The following ZNF521 variants were observed in gnomAD, a reference collection of about 807,000 sequenced individuals.
ZNF521 encodes the protein zinc finger protein 521.
ZNF521 carries 14 observed loss-of-function variants against 105.5 expected under a neutral mutation model. That is an observed-to-expected ratio of 0.13 (90% confidence interval 0.09 to 0.21). The LOEUF is 0.21. ZNF521 is among the 10% of genes least tolerant of loss of function. The pLI is 1.00. For synonymous variants in ZNF521, 635 were observed against 606.0 expected, an observed-to-expected ratio of 1.05 and a Z score of -0.70; for missense variants, 1,233 against 1,629.7, an observed-to-expected ratio of 0.76 and a Z score of 4.19.
At chr18:25,162,566 T>C (rs2035269233) in intron 5 of ZNF521, among the ~76,000 whole-genome samples, 1 of 152,240 alleles carries the variant, frequency 6.6e-6, no homozygotes, top group South Asian at 2.1e-4. Flanking sequence ...AAATGTTTTC[T>C]ATAAGACATT....
At chr18:25,246,103 G>T (rs912993943) in intron 3 of ZNF521, among the ~76,000 whole-genome samples, 3 of 151,990 alleles carry the variant, frequency 2.0e-5, no homozygotes, top group South Asian at 2.1e-4. Context: ...GGAGGGATGC[G>T]TTAGGAGACA....
At chr18:25,184,189 T>A (rs60573556) in intron 5 of ZNF521, among the ~76,000 whole-genome samples, 4,923 of 152,150 alleles carry the variant, frequency 0.032, 293 homozygotes, top group African/African-American at 0.11. Flanking sequence ...TGCTTTTTTT[T>A]AAAAAAAGTG....
intron 2 of ZNF521, among the ~76,000 whole-genome samples, chr18:25,339,736 G>C (rs577028557): frequency 6.6e-6 from 1 of 152,152 alleles, no homozygotes; most frequent in Admixed American, 6.5e-5. Context: ...TTCTCAAAAG[G>C]CTTATAGAGA....
chr18:25,070,079 G>A (rs1421124792), intron 7 of ZNF521, among the ~76,000 whole-genome samples: 2 of 152,130 alleles, frequency 1.3e-5, no homozygotes, highest in African/African-American at 4.8e-5. Context: ...AAAGCAAAAG[G>A]TGAAATGGCA....
chr18:25,238,296 C>T (rs9807193), intron 3 of ZNF521, among the ~76,000 whole-genome samples: 68,174 of 152,116 alleles, frequency 0.45, 16,965 homozygotes, highest in African/African-American at 0.68. Context: ...TTCATGCTAA[C>T]TGATGTATGT....
intron 2 of ZNF521, among the ~76,000 whole-genome samples, chr18:25,326,443 TA>T (rs1913227399): frequency 6.6e-6 from 1 of 152,198 alleles, no homozygotes; most frequent in African/African-American, 2.4e-5. Context: ...AGTGGTAAAG[TA>T]AAACTCTGTC....
chr18:25,275,855 C>T (rs147569999), intron 3 of ZNF521, among the ~76,000 whole-genome samples: 105 of 152,230 alleles, frequency 6.9e-4, no homozygotes, highest in African/African-American at 2.4e-3. Flanking sequence ...TGAGCACCAG[C>T]ATACGCAGTG....
intron 7 of ZNF521, among the ~76,000 whole-genome samples, chr18:25,087,142 G>A (rs2033641502): frequency 6.6e-6 from 1 of 152,152 alleles, no homozygotes; most frequent in African/African-American, 2.4e-5. Flanking sequence ...GATGGAAAAT[G>A]ATAGTAACTC....
In ZNF521 at chr18:25,322,112, T is replaced by C. The variant is rs1351928131; in HGVS notation, c.116A>G (p.Glu39Gly). ...LDCKKRPEDG[E>G]ELEDEAVHSC... ...GTGCACAGCTTCGTCTTCCAACTCCTCCCCGTCTTCCGGCCTCTTCTTACA... is the reference window on the plus strand; with the variant it reads ...GTGCACAGCTTCGTCTTCCAACTCCCCCCCGTCTTCCGGCCTCTTCTTACA... Residue 39 changes from glutamate (E) to glycine (G), a missense_variant, in exon 3 of 8, where the codon GAG becomes GGG. Around this residue, in one of 6 missense-constraint regions of ZNF521, gnomAD observed 76 missense variants for 79.3 expected, o/e 0.96. Transcript: ENST00000361524. The C allele has an allele frequency of 6.2e-7, 1 of 1,614,206 alleles. No individual in the cohort carries two copies. The highest frequency in any genetic ancestry group is 1.3e-5 in the African/African-American group (1 of 75,052).
chr18:25,321,125 G>A (rs1303728767), intron 3 of ZNF521, among the ~76,000 whole-genome samples: 1 of 152,150 alleles, frequency 6.6e-6, no homozygotes, highest in African/African-American at 2.4e-5. Context: ...GATTTGTGTT[G>A]GGAAAATAAG....
intron 2 of ZNF521, among the ~76,000 whole-genome samples, chr18:25,340,220 T>C (rs1914119336): frequency 6.6e-6 from 1 of 152,072 alleles, no homozygotes; most frequent in South Asian, 2.1e-4. Flanking sequence ...CCAAGCGTGA[T>C]GGTGCGCACC....
chr18:25,172,120 T>C (rs1285065042), intron 5 of ZNF521, among the ~76,000 whole-genome samples: 2 of 152,160 alleles, frequency 1.3e-5, no homozygotes, highest in African/African-American at 2.4e-5. Flanking sequence ...AATGTTCAAA[T>C]TTAGAGAGTG....
At chr18:25,072,747 C>T (rs531095098) in intron 7 of ZNF521, among the ~76,000 whole-genome samples, 1 of 152,260 alleles carries the variant, frequency 6.6e-6, no homozygotes, top group African/African-American at 2.4e-5. Flanking sequence ...TCTGGAATTG[C>T]AGGATTCCAG....
At chr18:25,165,822 T>C (rs1213440452) in intron 5 of ZNF521, among the ~76,000 whole-genome samples, 1 of 152,216 alleles carries the variant, frequency 6.6e-6, no homozygotes, top group African/African-American at 2.4e-5. Flanking sequence ...GACCAGCTTT[T>C]AAAAGTAATT....
chr18:25,294,943 CAT>C (rs1357133348), intron 3 of ZNF521, among the ~76,000 whole-genome samples: 6 of 146,246 alleles, frequency 4.1e-5, no homozygotes, highest in East Asian at 2.2e-4. Flanking sequence ...ATCTCTTTCA[CAT>C]AGTTTCTTTT....
At chr18:25,128,163 T>A (rs1273340716) in intron 5 of ZNF521, among the ~76,000 whole-genome samples, 1 of 151,826 alleles carries the variant, frequency 6.6e-6, no homozygotes, top group Non-Finnish European at 1.5e-5. Context: ...CAAGGCAAGT[T>A]CAACATTTGA....
intron 3 of ZNF521, among the ~76,000 whole-genome samples, chr18:25,312,542 G>A: frequency 2.7e-5 from 1 of 36,780 alleles, no homozygotes; most frequent in African/African-American, 1.0e-4. Context: ...GCCGGGCGCG[G>A]TGGCTCACGC....
At chr18:25,229,933 A>C (rs974513199) in intron 3 of ZNF521, among the ~76,000 whole-genome samples, 2 of 152,246 alleles carry the variant, frequency 1.3e-5, no homozygotes, top group Non-Finnish European at 2.9e-5. Flanking sequence ...TTACAAATAC[A>C]TAAAGAATTA....
intron 3 of ZNF521, among the ~76,000 whole-genome samples, chr18:25,270,053 A>G (rs1390724276): frequency 6.6e-6 from 1 of 152,210 alleles, no homozygotes; most frequent in Non-Finnish European, 1.5e-5. Flanking sequence ...AATAAAAAAG[A>G]AAAGAGAGAA....
Sources: gnomAD v4.1 joint callset for allele counts (sites outside exome capture counted in the v4.1 genomes callset) on GRCh38, gnomAD v4.1.1 for gene constraint, gnomAD v4.1.1 regional missense constraint, MANE v1.5 for transcripts, NCBI Gene and HGNC (gene_info 2026-07-23, HGNC 2026-07-21) for gene names.